The following NCKAP5 variants were observed in gnomAD, a reference collection of about 807,000 sequenced individuals.
The protein encoded by NCKAP5 is NCK associated protein 5, also known as nck-associated protein 5.
A neutral mutation model predicts 167.0 loss-of-function variants in NCKAP5; 92 were observed. The ratio of observed to expected loss-of-function variants is 0.55; its 90% CI spans 0.47 to 0.66. NCKAP5 has a LOEUF of 0.66. NCKAP5 is among the 30% of genes least tolerant of loss of function. The pLI, the probability that NCKAP5 is intolerant of heterozygous loss-of-function variation, is 0.00. For missense variants in NCKAP5, 2,378 were observed against 2,315.0 expected, an observed-to-expected ratio of 1.03 and a Z score of -0.56; for synonymous variants, 891 against 877.4, an observed-to-expected ratio of 1.02 and a Z score of -0.27.
intron 8 of NCKAP5, among the ~76,000 whole-genome samples, chr2:132,921,297 T>C (rs1695410674): frequency 6.6e-6 from 1 of 152,104 alleles, no homozygotes; most frequent in Admixed American, 6.5e-5. Context: ...GACCTCCTTC[T>C]CACCCAACAC....
At chr2:133,163,220 T>G (rs1032952524) in intron 5 of NCKAP5, among the ~76,000 whole-genome samples, 4 of 152,250 alleles carry the variant, frequency 2.6e-5, no homozygotes, top group Non-Finnish European at 5.9e-5. Flanking sequence ...TTGTTGTGTC[T>G]CTGCCTATGT....
At chr2:133,287,978 C>G (rs953577130) in intron 4 of NCKAP5, among the ~76,000 whole-genome samples, 3 of 152,164 alleles carry the variant, frequency 2.0e-5, no homozygotes, top group Admixed American at 6.5e-5. Context: ...TCCAAACATG[C>G]TTGGTTTTAC....
chr2:132,684,160 T>C (rs1420221126), intron 19 of NCKAP5, among the ~76,000 whole-genome samples: 1 of 152,248 alleles, frequency 6.6e-6, no homozygotes, highest in Non-Finnish European at 1.5e-5. Context: ...CAGGACAATT[T>C]AATTTTTAAA....
At chr2:133,390,854 T>G (rs1226849612) in intron 3 of NCKAP5, among the ~76,000 whole-genome samples, 3 of 152,236 alleles carry the variant, frequency 2.0e-5, no homozygotes, top group African/African-American at 7.2e-5. Flanking sequence ...CAGTGTGTAT[T>G]CAGGGGCAAG....
At chr2:133,357,330 T>C (rs200781265) in intron 3 of NCKAP5, among the ~76,000 whole-genome samples, 529 of 103,778 alleles carry the variant, frequency 5.1e-3, no homozygotes, top group Non-Finnish European at 8.3e-3. Context: ...CACACACACA[T>C]ACACAGAGGC....
intron 19 of NCKAP5, among the ~76,000 whole-genome samples, chr2:132,720,618 G>A (rs569618411): frequency 2.0e-5 from 3 of 152,288 alleles, no homozygotes; most frequent in Non-Finnish European, 4.4e-5. Flanking sequence ...AGTGGGTGGT[G>A]GGAGGGCACA....
rs1331006016 is a variant in NCKAP5 at position 132,977,321 on chromosome 2, G to T, written c.430-13452C>A. Among the ~76,000 whole-genome samples, 3 of 152,192 alleles carry T rather than the reference G, an allele frequency of 2.0e-5. No individual in the cohort carries two copies. The East Asian group carries it at 5.8e-4, about 29-fold the overall frequency. On this transcript the variant is annotated intron_variant, in intron 7 of 19. Coordinates refer to ENST00000409261, the MANE Select transcript of NCKAP5 (RefSeq NM_207363.3). ...AAACATTTTTTAAACAAGTATTTTG[G>T]CACCATAGACATAAAGCAAAAAACC...
chr2:133,422,919 C>A (rs1273698218), intron 3 of NCKAP5, among the ~76,000 whole-genome samples: 7 of 152,050 alleles, frequency 4.6e-5, no homozygotes, highest in Middle Eastern at 3.2e-3. Context: ...AGAACAAAGA[C>A]CCCCATTTAT....
chr2:133,294,694 G>T (rs1008396207), intron 4 of NCKAP5, among the ~76,000 whole-genome samples: 1 of 152,118 alleles, frequency 6.6e-6, no homozygotes, highest in Non-Finnish European at 1.5e-5. Flanking sequence ...TTATTTCAAT[G>T]TTCACTCTAC....
intron 6 of NCKAP5, among the ~76,000 whole-genome samples, chr2:133,091,803 T>C (rs901317220): frequency 1.3e-5 from 2 of 151,974 alleles, no homozygotes; most frequent in African/African-American, 4.8e-5. Flanking sequence ...AGGAGAATGG[T>C]GTGAACCTGG....
chr2:133,453,601 T>C (rs1265426454), intron 3 of NCKAP5, among the ~76,000 whole-genome samples: 1 of 152,108 alleles, frequency 6.6e-6, no homozygotes, highest in African/African-American at 2.4e-5. Flanking sequence ...CAGTGGAACA[T>C]GATGTAGCCA....
intron 4 of NCKAP5, among the ~76,000 whole-genome samples, chr2:133,252,702 T>C (rs2150342932): frequency 6.6e-6 from 1 of 152,244 alleles, no homozygotes; most frequent in East Asian, 1.9e-4. Context: ...TAGGCCAAAG[T>C]CAGGCTGCCC....
chr2:133,476,889 T>C (rs1029223463), intron 3 of NCKAP5, among the ~76,000 whole-genome samples: 4 of 152,222 alleles, frequency 2.6e-5, no homozygotes, highest in African/African-American at 9.6e-5. Context: ...TAATTACCTC[T>C]TTTCTTTCAG....
intron 3 of NCKAP5, among the ~76,000 whole-genome samples, chr2:133,515,913 T>C (rs1226723775): frequency 6.6e-6 from 1 of 152,362 alleles, no homozygotes; most frequent in Admixed American, 6.5e-5. Flanking sequence ...CATTTGGCAG[T>C]GATCCAAGGC....
At chr2:133,162,311 G>A (rs933020005) in intron 5 of NCKAP5, among the ~76,000 whole-genome samples, 22 of 152,264 alleles carry the variant, frequency 1.4e-4, no homozygotes, top group Non-Finnish European at 2.8e-4. Flanking sequence ...TTCACATAAA[G>A]CACTGTGCTA....
intron 2 of NCKAP5, among the ~76,000 whole-genome samples, chr2:133,550,291 CA>C (rs1558776815): frequency 6.8e-6 from 1 of 146,910 alleles, no homozygotes; most frequent in Non-Finnish European, 1.5e-5. Context: ...AGAGACACAA[CA>C]AAAAAAGAGA....
Position 132,783,232 on chromosome 2 carries a change from G to A in NCKAP5, c.3579C>T (p.Ser1193=), listed in dbSNP as rs760111478. The change falls in exon 14 of 20, where the codon TCC becomes TCT. Residue 1193 remains serine, a synonymous_variant. Transcript: ENST00000409261. Reference sequence around the variant, plus strand: ...TGATCTCCATGCTTGCTGGATTCTTGGAGTCCTCTGGCTTAGACTTGTTCA... The same window carrying A: ...TGATCTCCATGCTTGCTGGATTCTTAGAGTCCTCTGGCTTAGACTTGTTCA... The part of the protein sequence containing the change: ...VAVNKSKPED[S]KNPASMEITA... The A allele has an allele frequency of 6.2e-7, 1 of 1,613,930 alleles. No individual in the cohort carries two copies. Among genetic ancestry groups the A allele is most frequent in the East Asian group, 2.2e-5 (1 of 44,868 alleles).
chr2:133,553,196 T>G (rs1243320523), intron 2 of NCKAP5, among the ~76,000 whole-genome samples: 2 of 152,258 alleles, frequency 1.3e-5, no homozygotes, highest in East Asian at 3.8e-4. Context: ...ATATACAGTA[T>G]GCTGTCCAGA....
chr2:133,469,446 T>G (rs1692872899), intron 3 of NCKAP5, among the ~76,000 whole-genome samples: 1 of 152,136 alleles, frequency 6.6e-6, no homozygotes, highest in Non-Finnish European at 1.5e-5. Context: ...CCTTAACATT[T>G]TTTCCTTCAT....
Sources: allele counts gnomAD v4.1 joint callset (sites outside exome capture counted in the v4.1 genomes callset), GRCh38; gene constraint gnomAD v4.1.1; transcripts MANE v1.5; gene names NCBI Gene and HGNC (gene_info 2026-07-23, HGNC 2026-07-21).